WDR25: variants seen among roughly 807,000 people sequenced by gnomAD.
WDR25 encodes WD repeat domain 25.
In WDR25, 35 loss-of-function variants were observed where a neutral mutation model predicts 47.7. The observed-to-expected ratio is 0.73, with a 90% CI of 0.56 to 0.97. The LOEUF is 0.97. WDR25 is among the 50% of genes least tolerant of loss of function. The pLI is 0.00. For missense variants in WDR25, 634 were observed against 704.7 expected (o/e 0.90, Z 1.14); for synonymous variants, 248 against 278.9 (o/e 0.89, Z 1.10).
Position 100,381,157 on chromosome 14 carries a change from T to C in WDR25, c.233T>C (p.Leu78Pro). ...TGTGAAGACCCAGGGGGCTATCGCC[T>C]TCCATTGGCTCAGCTTGGGAGAAGC... Reference protein sequence around the residue: ...GSCEDPGGYRLPLAQLGRSDW... With the variant: ...GSCEDPGGYRPPLAQLGRSDW... Residue 78 changes from leucine to proline, a missense_variant, in exon 2 of 7, where the codon CTT becomes CCT. Physicochemically the swap from Leu to Pro is moderately conservative, Grantham distance 98. Coordinates refer to ENST00000402312, the MANE Select transcript of WDR25 (RefSeq NM_001161476.3). The C allele has an allele frequency of 6.2e-7, 1 of 1,614,210 alleles. No individual in the cohort carries two copies. The highest frequency in any genetic ancestry group is 8.5e-7 in the Non-Finnish European group (1 of 1,180,038).
intron 4 of WDR25, among the ~76,000 whole-genome samples, chr14:100,519,904 G>T (rs1901653935): frequency 3.0e-5 from 4 of 135,016 alleles, no homozygotes; most frequent in Admixed American, 1.5e-4. Flanking sequence ...ATGTATACTA[G>T]ATGTATATAT....
chr14:100,464,659 C>CACCCCATCTCATCTCCCCT (rs1899544429), intron 2 of WDR25, among the ~76,000 whole-genome samples: 1 of 149,500 alleles, frequency 6.7e-6, no homozygotes, highest in Non-Finnish European at 1.5e-5. Context: ...TCATCTCCCC[C>CACCCCATCTCATCTCCCCT]ACCCCATCTC....
At chr14:100,422,352 C>G (rs934021022) in intron 2 of WDR25, among the ~76,000 whole-genome samples, 4 of 152,132 alleles carry the variant, frequency 2.6e-5, no homozygotes, top group African/African-American at 7.2e-5. Flanking sequence ...TGAGAGGCCC[C>G]TATACTGAAA....
Position 100,529,835 on chromosome 14 carries a change from G to T in WDR25, c.1429G>T (p.Val477Leu). 6.2e-7 allele frequency: 1 copy of T among 1,612,308 alleles called. No individual in the cohort carries two copies. The highest frequency in any genetic ancestry group is 1.1e-5 in the South Asian group (1 of 91,040). The change falls in exon 7 of 7, where the codon GTG becomes TTG. Residue 477 changes from valine (V) to leucine (L), a missense_variant. Val to Leu is a conservative substitution (Grantham distance 32, BLOSUM62 1). Coordinates refer to ENST00000402312, the MANE Select transcript of WDR25 (RefSeq NM_001161476.3). This position sits in a 1 kb window ranked among gnomAD's most constrained non-coding sequence, Gnocchi z 5.1. ...CTCTCTGCAGGTGGAGGGCTACTCA[G>T]TGGGCTGCGAGTGCTCCCCAGGCGG... Reference protein sequence around the residue: ...YEGHKVEGYSVGCECSPGGDL... With the variant: ...YEGHKVEGYSLGCECSPGGDL...
intron 3 of WDR25, among the ~76,000 whole-genome samples, chr14:100,473,387 T>G (rs1011485962): frequency 6.6e-5 from 10 of 152,302 alleles, no homozygotes; most frequent in Middle Eastern, 3.4e-3. Context: ...GAGCTCCTGC[T>G]GTTGAGGTAT....
intron 4 of WDR25, among the ~76,000 whole-genome samples, chr14:100,521,179 GACACACACAC>G (rs559590297): frequency 6.8e-6 from 1 of 148,088 alleles, no homozygotes; most frequent in African/African-American, 2.5e-5. Context: ...CACACACATA[GACACACACAC>G]ACACACACAC....
At chr14:100,434,710 G>A (rs540153463) in intron 2 of WDR25, among the ~76,000 whole-genome samples, 1 of 152,244 alleles carries the variant, frequency 6.6e-6, no homozygotes, top group African/African-American at 2.4e-5. Flanking sequence ...ATTCAGAGAG[G>A]TGCTCCCCCT....
At chr14:100,452,912 A>G (rs537762243) in intron 2 of WDR25, among the ~76,000 whole-genome samples, 1 of 152,262 alleles carries the variant, frequency 6.6e-6, no homozygotes, top group African/African-American at 2.4e-5. Context: ...TGTGGCCATC[A>G]CCACCATCCT....
intron 3 of WDR25, among the ~76,000 whole-genome samples, chr14:100,480,189 T>C (rs1900152305): frequency 6.6e-6 from 1 of 152,206 alleles, no homozygotes; most frequent in Non-Finnish European, 1.5e-5. Flanking sequence ...ACATTTGTCT[T>C]CACTACTCCC....
intron 2 of WDR25, among the ~76,000 whole-genome samples, chr14:100,467,378 C>T (rs908224278): frequency 1.1e-4 from 17 of 151,284 alleles, no homozygotes; most frequent in African/African-American, 2.7e-4. Context: ...ATGCCAGGGA[C>T]GCAGGTGAGC....
chr14:100,504,840 C>T (rs1285130833), intron 4 of WDR25: 1 of 152,204 alleles, frequency 6.6e-6, no homozygotes, highest in African/African-American at 2.4e-5. Context: ...GCATTTCCAT[C>T]AGCAGTGTGG....
At chr14:100,527,305 GTTA>G (rs2030230672) in intron 5 of WDR25, among the ~76,000 whole-genome samples, 1 of 150,082 alleles carries the variant, frequency 6.7e-6, no homozygotes, top group African/African-American at 2.5e-5. Flanking sequence ...CTATTATATT[GTTA>G]TCATCACCAC....
rs1897489598 is a variant in WDR25 at position 100,404,975 on chromosome 14, G to A, written c.822+23229G>A. On this transcript the variant is annotated intron_variant, in intron 2 of 6. Transcript: ENST00000402312. The surrounding 1 kb of genome is among the most constrained non-coding windows in gnomAD (Gnocchi z 4.6). ...TCCCCATGCTAGTTCTGTCTTTCCT[G>A]TGCTCGCAGAATCTGTCTGTCCTCT... 6.6e-6 allele frequency among the ~76,000 whole-genome samples: 1 copy of A among 152,050 alleles called. No individual in the cohort carries two copies.
At chr14:100,527,732 G>A (rs2030256992) in intron 5 of WDR25, among the ~76,000 whole-genome samples, 1 of 152,224 alleles carries the variant, frequency 6.6e-6, no homozygotes, top group South Asian at 2.1e-4. Context: ...TGTGTGGAGG[G>A]AGCAGGTGCT....
intron 4 of WDR25, among the ~76,000 whole-genome samples, chr14:100,520,307 C>A (rs1035651162): frequency 4.0e-5 from 6 of 151,852 alleles, no homozygotes; most frequent in Non-Finnish European, 8.8e-5. Flanking sequence ...ATTTTCTTTA[C>A]TTTTTTGTTT....
Position 100,408,078 on chromosome 14 carries a change from G to C in WDR25, c.822+26332G>C, listed in dbSNP as rs148976483. 2.5e-3 allele frequency among the ~76,000 whole-genome samples: 378 copies of C among 152,244 alleles called. 1 individual carries two copies. Among genetic ancestry groups the C allele is most frequent in the African/African-American group, 8.8e-3 (366 of 41,534 alleles). On this transcript the variant is annotated intron_variant, in intron 2 of 6. Coordinates refer to ENST00000402312, the MANE Select transcript of WDR25 (RefSeq NM_001161476.3). ...ATGGTAATGGCCTATAGTCGTGGGG[G>C]CTTGGGGACTTCTGAGGGATGTGGG... is the stretch of plus-strand genomic sequence containing the variant.
intron 2 of WDR25, among the ~76,000 whole-genome samples, chr14:100,419,264 G>T (rs1266613982): frequency 1.3e-5 from 2 of 151,852 alleles, no homozygotes; most frequent in South Asian, 2.1e-4. Flanking sequence ...CTCCACAGGG[G>T]TCTCTCTGCG....
chr14:100,521,159 AACACACAGACAC>A (rs2029872287), intron 4 of WDR25, among the ~76,000 whole-genome samples: 1 of 151,566 alleles, frequency 6.6e-6, no homozygotes. Flanking sequence ...AGCTCCAACA[AACACACAGACAC>A]ACACATAGAC....
chr14:100,474,754 G>C (rs1425784613), intron 3 of WDR25, among the ~76,000 whole-genome samples: 1 of 152,130 alleles, frequency 6.6e-6, no homozygotes, highest in Non-Finnish European at 1.5e-5. Context: ...TTTTGGATAG[G>C]ACTTAAAGCA....
Sources: allele counts gnomAD v4.1 joint callset (sites outside exome capture counted in the v4.1 genomes callset), GRCh38; gene constraint gnomAD v4.1.1; non-coding constraint Gnocchi (gnomAD v3.1); transcripts MANE v1.5; gene names NCBI Gene and HGNC (gene_info 2026-07-23, HGNC 2026-07-21).